Variants in GRIK2 observed in about 807,000 individuals in gnomAD.
GRIK2 encodes glutamate ionotropic receptor kainate type subunit 2.
Under a neutral mutation model 100.3 loss-of-function variants are expected in GRIK2, and 32 were observed. That is an observed-to-expected ratio of 0.32 (90% CI 0.24 to 0.43). The LOEUF is 0.43. Ranked by LOEUF, GRIK2 falls within the 20% of genes least tolerant of loss-of-function variation. The probability of loss-of-function intolerance (pLI) is 1.00; values close to 1 mark genes in which losing one functional copy is unlikely to be tolerated. For missense variants in GRIK2, 843 were observed against 1,114.9 expected (o/e 0.76, Z 3.47); for synonymous variants, 417 against 389.4 (o/e 1.07, Z -0.83).
At chr6:101,964,302 A>T (rs1306313714) in intron 14 of GRIK2, among the ~76,000 whole-genome samples, 1 of 151,924 alleles carries the variant, frequency 6.6e-6, no homozygotes, top group African/African-American at 2.4e-5. Context: ...TATGTATATT[A>T]TTATATTATT....
Position 101,626,375 on chromosome 6 carries a change from T to C in GRIK2, c.284-5T>C, listed in dbSNP as rs1170169282. On this transcript the variant is annotated splice_polypyrimidine_tract_variant and splice_region_variant and intron_variant, in intron 3 of 16. Coordinates refer to ENST00000369134, the MANE Select transcript of GRIK2 (RefSeq NM_021956.5). ...ATTATTGACAGACCTTTATCTCCTC[T>C]TCAGCCTGTGATCAGCTGTCTCTTG... The C allele has an allele frequency of 6.2e-7, 1 of 1,609,920 alleles. No individual in the cohort carries two copies. The highest frequency in any genetic ancestry group is 1.3e-5 in the African/African-American group (1 of 74,854).
At chr6:101,715,459 G>A (rs576432136) in intron 7 of GRIK2, among the ~76,000 whole-genome samples, 1 of 151,836 alleles carries the variant, frequency 6.6e-6, no homozygotes, top group African/African-American at 2.4e-5. Context: ...GAGTGTTGTA[G>A]GGAAAGAAAC....
At chr6:101,809,311 T>C (rs1301654225) in intron 9 of GRIK2, among the ~76,000 whole-genome samples, 1 of 152,004 alleles carries the variant, frequency 6.6e-6, no homozygotes, top group East Asian at 1.9e-4. Context: ...TTCAAAGTGC[T>C]TTTTGAATAT....
intron 11 of GRIK2, among the ~76,000 whole-genome samples, chr6:101,882,956 CTA>C (rs1222511697): frequency 6.6e-6 from 1 of 151,980 alleles, no homozygotes; most frequent in Non-Finnish European, 1.5e-5. Context: ...CAGTTATTGA[CTA>C]TTATTTATCA....
At chr6:101,687,571 C>T (rs1771786276) in intron 7 of GRIK2, among the ~76,000 whole-genome samples, 1 of 151,460 alleles carries the variant, frequency 6.6e-6, no homozygotes, top group African/African-American at 2.4e-5. Flanking sequence ...TTTTTTTATC[C>T]TTAGAAGGTT....
intron 11 of GRIK2, among the ~76,000 whole-genome samples, chr6:101,869,448 T>G (rs1007149390): frequency 4.6e-5 from 7 of 151,444 alleles, no homozygotes; most frequent in African/African-American, 1.7e-4. Context: ...CACATCTAAT[T>G]GCATTTTAAG....
At chr6:101,544,115 C>CTTTTT (rs1159544303) in intron 2 of GRIK2, among the ~76,000 whole-genome samples, 2 of 152,036 alleles carry the variant, frequency 1.3e-5, no homozygotes, top group Non-Finnish European at 2.9e-5. Context: ...ACTTTCATCC[C>CTTTTT]TTTTTACTAC....
At chr6:101,944,434 T>C (rs574907166) in intron 14 of GRIK2, among the ~76,000 whole-genome samples, 24 of 152,296 alleles carry the variant, frequency 1.6e-4, no homozygotes, top group Non-Finnish European at 3.1e-4. Context: ...CTATGACTCA[T>C]TGCCAGTTTG....
At chr6:101,486,219 A>C (rs1772818308) in intron 2 of GRIK2, among the ~76,000 whole-genome samples, 1 of 152,010 alleles carries the variant, frequency 6.6e-6, no homozygotes, top group Non-Finnish European at 1.5e-5. Context: ...TGGTGGGAGA[A>C]GTGATATCTC....
intron 5 of GRIK2, among the ~76,000 whole-genome samples, chr6:101,678,418 A>G (rs186427656): frequency 1.3e-5 from 2 of 152,332 alleles, no homozygotes; most frequent in Non-Finnish European, 2.9e-5. Context: ...CAAGGTCAGT[A>G]GATGAAAAAT....
chr6:101,577,918 G>A (rs992367117), intron 2 of GRIK2, among the ~76,000 whole-genome samples: 4 of 152,090 alleles, frequency 2.6e-5, no homozygotes, highest in African/African-American at 4.8e-5. Context: ...TGGGAACAAC[G>A]TAGAAGGTGA....
At chr6:101,854,752 CA>C (rs1287998770) in intron 10 of GRIK2, among the ~76,000 whole-genome samples, 2 of 151,706 alleles carry the variant, frequency 1.3e-5, no homozygotes, top group Non-Finnish European at 2.9e-5. Context: ...ATAATTTATC[CA>C]ATCAGTATTT....
chr6:101,528,644 C>T (rs1358160814), intron 2 of GRIK2, among the ~76,000 whole-genome samples: 3 of 152,084 alleles, frequency 2.0e-5, no homozygotes, highest in South Asian at 2.1e-4. Flanking sequence ...GGCTCACTTT[C>T]GGGCAAGCCG....
intron 2 of GRIK2, among the ~76,000 whole-genome samples, chr6:101,419,116 A>G (rs1230897418): frequency 2.0e-5 from 3 of 152,298 alleles, no homozygotes; most frequent in South Asian, 4.1e-4. Flanking sequence ...GTAGACAGCT[A>G]TGATGACTTT....
intron 2 of GRIK2, among the ~76,000 whole-genome samples, chr6:101,536,613 TTAGA>T (rs955691245): frequency 5.9e-5 from 9 of 151,712 alleles, no homozygotes; most frequent in Admixed American, 1.3e-4. Flanking sequence ...TTTCAAAAAC[TTAGA>T]TAGAGAGATA....
At chr6:101,592,902 A>C (rs1778741015) in intron 2 of GRIK2, among the ~76,000 whole-genome samples, 1 of 151,796 alleles carries the variant, frequency 6.6e-6, no homozygotes, top group African/African-American at 2.4e-5. Flanking sequence ...TGCTGTAAGG[A>C]ATTACATCAC....
intron 5 of GRIK2, among the ~76,000 whole-genome samples, chr6:101,678,116 T>C (rs1000708829): frequency 3.3e-5 from 5 of 152,008 alleles, no homozygotes; most frequent in African/African-American, 1.2e-4. Flanking sequence ...CTGGAGTGAG[T>C]GGCACTAAGC....
At chr6:101,428,480 A>C (rs1769182152) in intron 2 of GRIK2, among the ~76,000 whole-genome samples, 1 of 152,226 alleles carries the variant, frequency 6.6e-6, no homozygotes, top group South Asian at 2.1e-4. Context: ...AATTTTAAAA[A>C]TCTTAGTAGG....
At chr6:101,728,129 G>A (rs907108539) in intron 7 of GRIK2, among the ~76,000 whole-genome samples, 1 of 151,948 alleles carries the variant, frequency 6.6e-6, no homozygotes, top group Non-Finnish European at 1.5e-5. Flanking sequence ...GAAGATATTT[G>A]AAATAATTTG....
Sources: allele counts gnomAD v4.1 joint callset (sites outside exome capture counted in the v4.1 genomes callset), GRCh38; gene constraint gnomAD v4.1.1; transcripts MANE v1.5; gene names NCBI Gene and HGNC (gene_info 2026-07-23, HGNC 2026-07-21).